IL31RA: variants seen among roughly 807,000 people sequenced by gnomAD.
IL31RA encodes interleukin-31 receptor subunit alpha.
A neutral mutation model predicts 83.7 loss-of-function variants in IL31RA; 66 were observed. The ratio of observed to expected loss-of-function variants is 0.79; its 90% confidence interval spans 0.65 to 0.97. The LOEUF is 0.97. Ranked by LOEUF, IL31RA falls within the 50% of genes least tolerant of loss-of-function variation. The probability of loss-of-function intolerance (pLI) is 0.00; values close to 1 mark genes in which losing one functional copy is unlikely to be tolerated. For synonymous variants in IL31RA, 325 were observed against 329.0 expected (o/e 0.99, Z 0.13); for missense variants, 798 against 919.4 (o/e 0.87, Z 1.71).
chr5:55,860,788 A>G (rs747760016), intron 2 of IL31RA, among the ~76,000 whole-genome samples: 10 of 152,212 alleles, frequency 6.6e-5, no homozygotes, highest in Non-Finnish European at 1.2e-4. Flanking sequence ...GGCGTCATGT[A>G]GCGTATTCGT....
chr5:55,910,391 A>T, intron 11 of IL31RA, 141 bp from the exon 12 acceptor site: 1 of 848,070 alleles, frequency 1.2e-6, no homozygotes, highest in Non-Finnish European at 2.0e-6. Flanking sequence ...CTTGATATTT[A>T]AGCAGGACAT....
At chr5:55,895,560 T>A (rs577630117) in intron 6 of IL31RA, among the ~76,000 whole-genome samples, 1 of 152,346 alleles carries the variant, frequency 6.6e-6, no homozygotes, top group Non-Finnish European at 1.5e-5. Context: ...TGTGTCAGGA[T>A]TTATGCCCTG....
rs1182233820 is a variant in IL31RA at position 55,916,929 on chromosome 5, T to A, written c.2104T>A (p.Tyr702Asn). The A allele has an allele frequency of 5.0e-6, 8 of 1,613,952 alleles. No homozygotes were observed. In the South Asian group the frequency reaches 5.5e-5, roughly 11 times the overall value. The stretch of plus-strand genomic sequence containing the variant: ...TGAGATTCCGCCCAGAAAATCCCAA[T>A]ACCTACGTTCGAGGATGCCAGAGGG... ...SPEIPPRKSQ[Y>N]LRSRMPEGTR... Residue 702 changes from tyrosine to asparagine, a missense_variant, in exon 15 of 15, where the codon TAC becomes AAC. Physicochemically the swap from Tyr to Asn is moderately radical, Grantham distance 143 (BLOSUM62 -2). Transcript: ENST00000652347.
intron 12 of IL31RA, among the ~76,000 whole-genome samples, chr5:55,912,679 C>A (rs1009031717): frequency 6.6e-6 from 1 of 152,160 alleles, no homozygotes; most frequent in Non-Finnish European, 1.5e-5. Flanking sequence ...TGCCTGTAAT[C>A]CCAGCTACCA....
intron 14 of IL31RA, among the ~76,000 whole-genome samples, chr5:55,915,966 T>C (rs1749758572): frequency 2.6e-5 from 4 of 152,252 alleles, no homozygotes; most frequent in African/African-American, 9.6e-5. Context: ...TGAACAAGTC[T>C]GTCTCTATGA....
At chr5:55,862,564 A>G (rs1485167471) in intron 2 of IL31RA, among the ~76,000 whole-genome samples, 1 of 152,136 alleles carries the variant, frequency 6.6e-6, no homozygotes, top group African/African-American at 2.4e-5. Context: ...GTGTGCCACC[A>G]TGCCTGGCTA....
At chr5:55,859,701 A>C in intron 2 of IL31RA, 102 bp downstream of exon 2, 9 of 849,456 alleles carry the variant, frequency 1.1e-5, no homozygotes, top group Non-Finnish European at 1.8e-5. Flanking sequence ...GGACATCCAC[A>C]GATAGAAAAG....
Position 55,890,066 on chromosome 5 carries a change from T to C in IL31RA, c.703T>C (p.Cys235Arg), listed in dbSNP as rs1318677853. ...TACAGAATATGTCATAGCTCTGCGA[T>C]GTGCGGTCAAGGAGTCAAAGTTCTG... ...PFTEYVIALR[C>R]AVKESKFWSD... Residue 235 changes from cysteine (C) to arginine (R), a missense_variant, in exon 6 of 15, where the codon TGT (cysteine) becomes CGT (arginine). By Grantham distance (180) the Cys-to-Arg change is radical (BLOSUM62 -3). Transcript: ENST00000652347. 1.9e-6 allele frequency: 3 copies of C among 1,613,918 alleles called. No individual in the cohort carries two copies. The highest frequency in any genetic ancestry group is 2.5e-6 in the Non-Finnish European group (3 of 1,179,930).
At chr5:55,854,840 G>A (rs1245518980) in intron 1 of IL31RA, among the ~76,000 whole-genome samples, 3 of 151,942 alleles carry the variant, frequency 2.0e-5, no homozygotes, top group Non-Finnish European at 4.4e-5. Context: ...TTTACCTGAA[G>A]GGTGACAAGA....
intron 5 of IL31RA, among the ~76,000 whole-genome samples, chr5:55,883,866 A>G (rs574597711): frequency 7.2e-5 from 11 of 152,242 alleles, no homozygotes; most frequent in African/African-American, 2.4e-4. Context: ...GGGAATCCAT[A>G]TATTTTGTAT....
In IL31RA at chr5:55,867,091, GTGTGTGTT is replaced by G. The variant is rs1278847421; in HGVS notation, c.155-1692_155-1685del. On this transcript the variant is annotated intron_variant, in intron 2 of 14. Transcript: ENST00000652347. ...CTTAGTTGTGCATGTGTGTTTGTGTGTGTGTGTTTGTGTGTGTGTGCATGTGTGTGTTT... is the reference window on the plus strand; with the variant it reads ...CTTAGTTGTGCATGTGTGTTTGTGTGTGTGTGTGTGTGCATGTGTGTGTTT... 3.0e-3 allele frequency among the ~76,000 whole-genome samples: 246 copies of G among 81,242 alleles called. 2 individuals are homozygous for G. The highest frequency in any genetic ancestry group is 8.3e-3 in the South Asian group (16 of 1,926). 53.3% of individuals were successfully genotyped at this position (81,242 alleles called of 152,430 possible).
intron 8 of IL31RA, among the ~76,000 whole-genome samples, chr5:55,901,669 G>A (rs973160229): frequency 5.9e-5 from 9 of 151,542 alleles, no homozygotes; most frequent in Non-Finnish European, 7.4e-5. Flanking sequence ...AGGCTGGAGT[G>A]CAATGGTGTG....
chr5:55,898,581 T>TA (rs1282357340), intron 7 of IL31RA, among the ~76,000 whole-genome samples: 1 of 150,910 alleles, frequency 6.6e-6, no homozygotes, highest in African/African-American at 2.4e-5. Flanking sequence ...AAAAAGATTT[T>TA]AAATAACATA....
chr5:55,847,703 G>A (rs553390252), upstream of IL31RA, among the ~76,000 whole-genome samples: 54 of 152,084 alleles, frequency 3.6e-4, no homozygotes, highest in Non-Finnish European at 7.3e-4. Context: ...ATCATGAATG[G>A]TACATTACTA....
intron 1 of IL31RA, among the ~76,000 whole-genome samples, chr5:55,857,222 C>T (rs1307232132): frequency 6.6e-6 from 1 of 152,142 alleles, no homozygotes; most frequent in Non-Finnish European, 1.5e-5. Context: ...TCTTAGCCTC[C>T]CAAATAGCTG....
intron 6 of IL31RA, among the ~76,000 whole-genome samples, chr5:55,891,131 A>G (rs1394867964): frequency 1.3e-5 from 2 of 152,158 alleles, no homozygotes; most frequent in Non-Finnish European, 2.9e-5. Context: ...TCCTACTATT[A>G]TTTTTAATCC....
chr5:55,857,144 G>A (rs1745410397), intron 1 of IL31RA, among the ~76,000 whole-genome samples: 1 of 151,714 alleles, frequency 6.6e-6, no homozygotes. Context: ...TGTCACCCAG[G>A]CTGAAGTGCA....
At chr5:55,916,429 T>C (rs1291989643) in intron 14 of IL31RA, among the ~76,000 whole-genome samples, 1 of 151,952 alleles carries the variant, frequency 6.6e-6, no homozygotes, top group Admixed American at 6.6e-5. Context: ...TTAAAAATTG[T>C]TTGAATCCAG....
In IL31RA at chr5:55,883,870, T is replaced by G. The variant is rs147233547; in HGVS notation, c.606+675T>G. Among the ~76,000 whole-genome samples the G allele has an allele frequency of 2.7e-3, 405 of 152,310 alleles. 2 individuals carry two copies. The highest frequency in any genetic ancestry group is 9.2e-3 in the African/African-American group (381 of 41,574). On this transcript the variant is annotated intron_variant, in intron 5 of 14. Coordinates refer to ENST00000652347, the MANE Select transcript of IL31RA (RefSeq NM_139017.7). Reference sequence around the variant, plus strand: ...GAGCATATAAAGGGAATCCATATATTTTGTATTTTCTAATGTTTGGCTTCT... The same window carrying G: ...GAGCATATAAAGGGAATCCATATATGTTGTATTTTCTAATGTTTGGCTTCT...
Sources: allele counts gnomAD v4.1 joint callset (sites outside exome capture counted in the v4.1 genomes callset), GRCh38; gene constraint gnomAD v4.1.1; transcripts MANE v1.5; gene names NCBI Gene and HGNC (gene_info 2026-07-23, HGNC 2026-07-21).